Variants in CDHR5 observed in about 807,000 individuals in gnomAD.
The protein encoded by CDHR5 is cadherin-related family member 5.
In CDHR5, 82 loss-of-function variants were observed where a neutral mutation model predicts 69.5. The ratio of observed to expected loss-of-function variants is 1.18; its 90% confidence interval spans 0.99 to 1.42. CDHR5 has a LOEUF of 1.42. Ranked by LOEUF, CDHR5 falls within the 40% of genes most tolerant of loss-of-function variation. The pLI is 0.00. For synonymous variants in CDHR5, 601 were observed against 510.2 expected (o/e 1.18, Z -2.40); for missense variants, 1,293 against 1,168.9 (o/e 1.11, Z -1.55).
chr11:618,194 G>A (rs2071732794), intron 13 of CDHR5, 83 bp from the exon 14 acceptor site: 1 of 1,209,894 alleles, frequency 8.3e-7, no homozygotes, highest in Non-Finnish European at 1.2e-6. Context: ...GCCAGGCTTG[G>A]GACACTTGGG....
rs1857643947 is a variant in CDHR5 at position 624,935 on chromosome 11, G to A, written c.-33C>T. The A allele has an allele frequency of 6.6e-7, 1 of 1,506,932 alleles. No individual in the cohort carries two copies. Among genetic ancestry groups the A allele is most frequent in the African/African-American group, 1.4e-5 (1 of 71,962 alleles). 93.3% of individuals were successfully genotyped at this position (1,506,932 alleles called of 1,614,324 possible). A position where few individuals can be genotyped will look rare whatever the true frequency, so the allele number is the denominator to read the frequency against. On this transcript the variant is annotated 5_prime_UTR_variant, in exon 1 of 15. Coordinates refer to ENST00000397542, the MANE Select transcript of CDHR5 (RefSeq NM_021924.5). The surrounding 1 kb of genome is among the most constrained non-coding windows in gnomAD (Gnocchi z 5.3). ...GCTGTCACCTGGCAGGAGGGTCTGAGCGGGTCTGGCGTCTAGGACTGGCGC... is the reference window on the plus strand; with the variant it reads ...GCTGTCACCTGGCAGGAGGGTCTGAACGGGTCTGGCGTCTAGGACTGGCGC...
At chr11:623,910 G>A (rs1049062483) in intron 3 of CDHR5, among the ~76,000 whole-genome samples, 13 of 152,114 alleles carry the variant, frequency 8.5e-5, no homozygotes, top group African/African-American at 2.9e-4. Context: ...GAGGGAGGGC[G>A]AGTGGGAACC....
Position 621,322 on chromosome 11 carries a change from C to T in CDHR5, c.618+23G>A, listed in dbSNP as rs189241231. ...CGGGGGGCCTCAAGTGTGTGGGACTCGGGGCTGGGGTGACCTGCTCACCCG... is the reference window on the plus strand; with the variant it reads ...CGGGGGGCCTCAAGTGTGTGGGACTTGGGGCTGGGGTGACCTGCTCACCCG... On this transcript the variant is annotated intron_variant, in intron 6 of 14. Coordinates refer to ENST00000397542, the MANE Select transcript of CDHR5 (RefSeq NM_021924.5). This position sits in a 1 kb window ranked among gnomAD's most constrained non-coding sequence, Gnocchi z 4.4. The T allele has an allele frequency of 2.9e-4, 472 of 1,611,994 alleles. 1 individual carries two copies. Among genetic ancestry groups the T allele is most frequent in the Non-Finnish European group, 3.6e-4 (425 of 1,178,960 alleles).
In CDHR5 at chr11:621,817, C is replaced by T. The variant is rs1219188342; in HGVS notation, c.400G>A (p.Glu134Lys). The T allele has an allele frequency of 1.9e-6, 3 of 1,612,940 alleles. No individual in the cohort carries two copies. The highest frequency in any genetic ancestry group is 1.7e-5 in the Admixed American group (1 of 59,974). ...FPFKTKEIRV[E>K]EDTKVNSTVI... is the part of the protein sequence containing the mutation. Reference sequence around the variant, plus strand: ...CGCGGCTTCGCTGGCCTCACCTCCTCCACCCTTATCTCCTTGGTCTTAAAG... The same window carrying T: ...CGCGGCTTCGCTGGCCTCACCTCCTTCACCCTTATCTCCTTGGTCTTAAAG... The change falls in exon 4 of 15, where the codon GAG (glutamate) becomes AAG (lysine). Residue 134 changes from glutamate to lysine, a missense_variant. Coordinates refer to ENST00000397542, the MANE Select transcript of CDHR5 (RefSeq NM_021924.5). The surrounding 1 kb of genome is among the most constrained non-coding windows in gnomAD (Gnocchi z 4.4).
At position 619,520 on chromosome 11, in the gene CDHR5, A is replaced by G. The variant is rs1453429865; in HGVS notation, c.1247T>C (p.Val416Ala). 6.2e-7 allele frequency: 1 copy of G among 1,613,892 alleles called. No individual in the cohort carries two copies. Among genetic ancestry groups the G allele is most frequent in the African/African-American group, 1.3e-5 (1 of 74,964 alleles). The change falls in exon 11 of 15, where the codon GTG (valine) becomes GCG (alanine). Residue 416 changes from valine (V) to alanine (A), a missense_variant. Transcript: ENST00000397542. ...CTGTGCCAGTGTGGTGGTGGTCAGC[A>G]CAACCTCTCCCTCCATCCGGAAGTG... ...HSHFRMEGEV[V>A]LTTTTLAQAG...
In CDHR5 at chr11:619,720, A is replaced by C; in HGVS notation, c.1140T>G (p.Ser380=). Residue 380 remains serine, a synonymous_variant, in exon 10 of 15, where the codon TCT becomes TCG. Transcript: ENST00000397542. ...GVVVKDAAAP[S]QPLRIQAQDP... Reference sequence around the variant, plus strand: ...CCTGAGCCTGGATCCTCAGAGGCTGAGAAGGGGCAGCTGCATCCTTGACCA... The same window carrying C: ...CCTGAGCCTGGATCCTCAGAGGCTGCGAAGGGGCAGCTGCATCCTTGACCA... The C allele has an allele frequency of 6.2e-7, 1 of 1,612,980 alleles. No homozygotes were observed. The highest frequency in any genetic ancestry group is 8.5e-7 in the Non-Finnish European group (1 of 1,179,982).
In CDHR5 at chr11:624,730, A is replaced by G. The variant is rs752776431; in HGVS notation, c.88T>C (p.Cys30Arg). The G allele has an allele frequency of 6.2e-7, 1 of 1,606,762 alleles. No homozygotes were observed. The highest frequency in any genetic ancestry group is 1.7e-5 in the Admixed American group (1 of 59,374). Residue 30 changes from cysteine to arginine, a missense_variant and splice_region_variant, in exon 2 of 15, where the codon TGC (cysteine) becomes CGC (arginine). Transcript: ENST00000397542. The surrounding 1 kb of genome is among the most constrained non-coding windows in gnomAD (Gnocchi z 5.3). ...PPGTMAQAQY[C>R]SVNKDIFEVE... ...TCAAAGATGTCCTTGTTCACAGAGC[A>G]GTCTGTAAGGTTGCAGAGGAGGGAT...
In CDHR5 at chr11:619,533, C is replaced by G. The variant is rs1264586897; in HGVS notation, c.1234G>C (p.Glu412Gln). ...RITNHSHFRM[E>Q]GEVVLTTTTL... Reference sequence around the variant, plus strand: ...GTGGTGGTCAGCACAACCTCTCCCTCCATCCGGAAGTGTGAGTGGTTGGTA... The same window carrying G: ...GTGGTGGTCAGCACAACCTCTCCCTGCATCCGGAAGTGTGAGTGGTTGGTA... The change falls in exon 11 of 15, where the codon GAG becomes CAG. Residue 412 changes from glutamate (E) to glutamine (Q), a missense_variant. Physicochemically the swap from Glu to Gln is conservative, Grantham distance 29 (BLOSUM62 2). Coordinates refer to ENST00000397542, the MANE Select transcript of CDHR5 (RefSeq NM_021924.5). 6.2e-7 allele frequency: 1 copy of G among 1,614,042 alleles called. No homozygotes were observed. The highest frequency in any genetic ancestry group is 1.7e-5 in the Admixed American group (1 of 60,028).
chr11:617,003 CG>C lies in CDHR5; in HGVS notation c.*347del. On this transcript the variant is annotated 3_prime_UTR_variant, in exon 15 of 15. Coordinates refer to ENST00000397542, the MANE Select transcript of CDHR5 (RefSeq NM_021924.5). Reference sequence around the variant, plus strand: ...GGTGCCTGAGATCTCCGGTGCAGGTCGGGGGAGGGGAGCCCCCCTCGGGCTG... The same window carrying C: ...GGTGCCTGAGATCTCCGGTGCAGGTCGGGGAGGGGAGCCCCCCTCGGGCTG... 3.2e-6 allele frequency: 1 copy of C among 310,592 alleles called. No individual in the cohort carries two copies. Among genetic ancestry groups the C allele is most frequent in the Non-Finnish European group, 6.0e-6 (1 of 165,978 alleles). The allele number at this position is 310,592 out of a possible 1,614,324, so 19.2% of individuals were successfully genotyped here. A position where few individuals can be genotyped will look rare whatever the true frequency, so the allele number is the denominator to read the frequency against.
Position 617,213 on chromosome 11 carries a change from GA to G in CDHR5, c.*137del. On this transcript the variant is annotated 3_prime_UTR_variant, in exon 15 of 15. Transcript: ENST00000397542. ...TGACGACAGGGGACTGAGTGAATGG[GA>G]CCCCCATGGACCCGCGCGCCTGCCC... 1.5e-6 allele frequency: 1 copy of G among 658,470 alleles called. No homozygotes were observed. The highest frequency in any genetic ancestry group is 1.8e-5 in the African/African-American group (1 of 54,632). 40.8% of individuals were successfully genotyped at this position (658,470 alleles called of 1,614,324 possible).
At chr11:619,435 C>T in intron 11 of CDHR5, 39 bp downstream of exon 11, 1 of 1,606,980 alleles carries the variant, frequency 6.2e-7, no homozygotes, top group Non-Finnish European at 8.5e-7. Flanking sequence ...ATCTTTAAGC[C>T]CCACACCCTT....
rs547709658 is a variant in CDHR5, at chr11:620,102, C to T, written c.943G>A (p.Val315Ile). The change falls in exon 9 of 15, where the codon GTC (valine) becomes ATC (isoleucine). Residue 315 changes from valine to isoleucine, a missense_variant. Transcript: ENST00000397542. ...AGAAGGAAGGTCATGGGGCTGGGGA[C>T]ACTCCTGGCCACGGTGAGGTTGCCC... Reference protein sequence around the residue: ...DSGNLTVARSVPSPMTFLLLV... With the variant: ...DSGNLTVARSIPSPMTFLLLV... 25 of 1,613,044 alleles carry T rather than the reference C, an allele frequency of 1.5e-5. No homozygotes were observed. In the African/African-American group the frequency reaches 3.3e-4, roughly 22 times the overall value.
chr11:620,417 G>A (rs377309569), intron 7 of CDHR5, 31 bp from the exon 8 acceptor site: 3 of 1,498,330 alleles, frequency 2.0e-6, no homozygotes, highest in African/African-American at 1.4e-5. Context: ...AGGGCACGTC[G>A]TGGGGCTGGG....
chr11:617,749 C>T lies in CDHR5; in HGVS notation c.2140G>A (p.Asp714Asn), dbSNP rs1857044122. 6.9e-7 allele frequency: 1 copy of T among 1,457,094 alleles called. No individual in the cohort carries two copies. The highest frequency in any genetic ancestry group is 9.0e-7 in the Non-Finnish European group (1 of 1,112,268). The allele number at this position is 1,457,094 out of a possible 1,614,324, so 90.3% of individuals were successfully genotyped here. Residue 714 changes from aspartate to asparagine, a missense_variant, in exon 15 of 15, where the codon GAC (aspartate) becomes AAC (asparagine). Physicochemically the swap from Asp to Asn is conservative, Grantham distance 23 (BLOSUM62 1). Transcript: ENST00000397542. ...KAPEPQPQGFDNQAFLPDHKA... is the reference protein window; with the variant it reads ...KAPEPQPQGFNNQAFLPDHKA... Reference sequence around the variant, plus strand: ...TGGTCAGGGAGGAACGCCTGGTTGTCAAAGCCTTGGGGCTGGGGCTCCTGC... The same window carrying T: ...TGGTCAGGGAGGAACGCCTGGTTGTTAAAGCCTTGGGGCTGGGGCTCCTGC...
At position 619,687 on chromosome 11, in the gene CDHR5, C is replaced by T. The variant is rs945844308; in HGVS notation, c.1173G>A (p.Glu391=). 4 of 1,613,390 alleles carry T rather than the reference C, an allele frequency of 2.5e-6. No individual in the cohort carries two copies. The highest frequency in any genetic ancestry group is 3.4e-6 in the Non-Finnish European group (4 of 1,179,948). ...QPLRIQAQDP[E]FSDLNSAITY... is the part of the protein sequence containing the mutation. ...CCTTGGATGCACTCTCTACCGAGAACTCCGGGTCCTGAGCCTGGATCCTCA... is the reference window on the plus strand; with the variant it reads ...CCTTGGATGCACTCTCTACCGAGAATTCCGGGTCCTGAGCCTGGATCCTCA... Residue 391 remains glutamate, a synonymous_variant, in exon 10 of 15, where the codon GAG becomes GAA. Transcript: ENST00000397542.
chr11:620,018 T>G, intron 9 of CDHR5, 49 bp downstream of exon 9: 1 of 583,820 alleles, frequency 1.7e-6, no homozygotes, highest in African/African-American at 2.4e-5. Context: ...CCGCCCTACC[T>G]TCCACCCTTC....
rs778855306 is a variant in CDHR5, at chr11:621,633, C to T, written c.436G>A (p.Glu146Lys). 26 of 1,613,684 alleles carry T rather than the reference C, an allele frequency of 1.6e-5. No homozygotes were observed. The highest frequency in any genetic ancestry group is 4.5e-5 in the East Asian group (2 of 44,864). Residue 146 changes from glutamate (E) to lysine (K), a missense_variant, in exon 5 of 15, where the codon GAG becomes AAG. Glu to Lys is a moderately conservative substitution (Grantham distance 56). Coordinates refer to ENST00000397542, the MANE Select transcript of CDHR5 (RefSeq NM_021924.5). The surrounding 1 kb of genome is among the most constrained non-coding windows in gnomAD (Gnocchi z 4.4). ...CGGTCCTCAGCCTGCAGTTGCGTCT[C>T]GGGGATGACGGTGGAGTTCACTTTC... ...DTKVNSTVIP[E>K]TQLQAEDRDK... is the part of the protein sequence containing the mutation.
intron 3 of CDHR5, among the ~76,000 whole-genome samples, chr11:623,474 G>A (rs1377358019): frequency 5.3e-5 from 8 of 152,154 alleles, no homozygotes; most frequent in Non-Finnish European, 1.2e-4. Context: ...AATGCCGCCG[G>A]TCAAGAAGCA....
chr11:624,574 C>G lies in CDHR5; in HGVS notation c.244G>C (p.Val82Leu). 11 of 1,607,490 alleles carry G rather than the reference C, an allele frequency of 6.8e-6. No individual in the cohort carries two copies. The highest frequency in any genetic ancestry group is 1.1e-5 in the South Asian group (1 of 90,608). The change falls in exon 2 of 15, where the codon GTG becomes CTG. Residue 82 changes from valine (V) to leucine (L), a missense_variant. Val to Leu is a conservative substitution (Grantham distance 32). Transcript: ENST00000397542. The surrounding 1 kb of genome is among the most constrained non-coding windows in gnomAD (Gnocchi z 5.3). ...GCCCACACCTCGTAATCAGGAGTCA[C>G]GTTGAGAAACAGCTGGTTTCCCTGG... ...RIQGNQLFLNVTPDYEEKSLL... is the reference protein window; with the variant it reads ...RIQGNQLFLNLTPDYEEKSLL...
Sources: allele counts gnomAD v4.1 joint callset (sites outside exome capture counted in the v4.1 genomes callset), GRCh38; gene constraint gnomAD v4.1.1; non-coding constraint Gnocchi (gnomAD v3.1); transcripts MANE v1.5; gene names NCBI Gene and HGNC (gene_info 2026-07-23, HGNC 2026-07-21).